The following TUBGCP3 variants were observed in gnomAD, a reference collection of about 807,000 sequenced individuals.
TUBGCP3 encodes the protein tubulin gamma complex component 3.
In TUBGCP3, 50 loss-of-function variants were observed where a neutral mutation model predicts 123.1. The observed-to-expected ratio is 0.41, with a 90% CI of 0.32 to 0.51. TUBGCP3 has a LOEUF of 0.51. TUBGCP3 is among the 20% of genes least tolerant of loss of function. TUBGCP3 has a pLI of 0.36. For synonymous variants in TUBGCP3, 405 were observed against 413.9 expected, an observed-to-expected ratio of 0.98 and a Z score of 0.26; for missense variants, 882 against 1,127.0, an observed-to-expected ratio of 0.78 and a Z score of 3.11.
At chr13:112,555,213 G>A (rs1320570075) in intron 6 of TUBGCP3, among the ~76,000 whole-genome samples, 4 of 152,304 alleles carry the variant, frequency 2.6e-5, no homozygotes, top group East Asian at 1.9e-4. Flanking sequence ...TGCCATGAAC[G>A]CACAGCTGTC....
At chr13:112,591,921 T>A (rs990147973), upstream of TUBGCP3, among the ~76,000 whole-genome samples, 1 of 152,178 alleles carries the variant, frequency 6.6e-6, no homozygotes, top group Non-Finnish European at 1.5e-5. Flanking sequence ...CCCCTTTACA[T>A]TGGGAACAAA....
intron 4 of TUBGCP3, among the ~76,000 whole-genome samples, chr13:112,558,691 T>G (rs1240418005): frequency 1.3e-5 from 2 of 152,224 alleles, no homozygotes; most frequent in Non-Finnish European, 2.9e-5. Context: ...TTTTTTAAAG[T>G]TAGGCATTAT....
chr13:112,527,335 A>G, intron 12 of TUBGCP3, 39 bp downstream of exon 12: 1 of 1,424,012 alleles, frequency 7.0e-7, no homozygotes, highest in Non-Finnish European at 9.5e-7. Flanking sequence ...ATACATAGCC[A>G]TAAAACATCA....
At chr13:112,556,889 G>C (rs765349984) in intron 5 of TUBGCP3, among the ~76,000 whole-genome samples, 1 of 152,164 alleles carries the variant, frequency 6.6e-6, no homozygotes, top group African/African-American at 2.4e-5. Flanking sequence ...GTTTTGACAG[G>C]TGCAACAAAA....
chr13:112,585,486 G>A (rs752688065), intron 1 of TUBGCP3, among the ~76,000 whole-genome samples: 14 of 152,182 alleles, frequency 9.2e-5, no homozygotes, highest in Non-Finnish European at 1.5e-4. Flanking sequence ...AGGGCCGGGC[G>A]CAGTGGCTCG....
chr13:112,559,278 G>A (rs1167443508), intron 4 of TUBGCP3, 44 bp downstream of exon 4: 1 of 1,535,974 alleles, frequency 6.5e-7, no homozygotes, highest in Admixed American at 1.9e-5. Context: ...AAGTCAGCCA[G>A]GGTGTCCCGA....
chr13:112,510,456 T>C (rs1300611455), intron 17 of TUBGCP3, among the ~76,000 whole-genome samples: 3 of 152,234 alleles, frequency 2.0e-5, no homozygotes, highest in Non-Finnish European at 4.4e-5. Flanking sequence ...CCATCTGATC[T>C]ATTTTTCTCA....
At chr13:112,526,861 T>C in intron 13 of TUBGCP3, 81 bp downstream of exon 13, 2 of 1,014,756 alleles carry the variant, frequency 2.0e-6, no homozygotes, top group East Asian at 2.4e-5. Context: ...AACATCACTG[T>C]TACCATGAGT....
chr13:112,574,601 T>C (rs941977401), intron 1 of TUBGCP3, among the ~76,000 whole-genome samples: 1 of 152,162 alleles, frequency 6.6e-6, no homozygotes, highest in Non-Finnish European at 1.5e-5. Flanking sequence ...ACAAACAGGA[T>C]TGACTTGAAA....
chr13:112,504,793 C>T, intron 17 of TUBGCP3, 79 bp from the exon 18 acceptor site: 1 of 1,174,530 alleles, frequency 8.5e-7, no homozygotes, highest in South Asian at 1.3e-5. Flanking sequence ...TACCCACCTG[C>T]AAGCTATCTT....
Position 112,537,448 on chromosome 13 carries a change from T to C in TUBGCP3, c.1335+8251A>G, listed in dbSNP as rs545044940. On this transcript the variant is annotated intron_variant, in intron 11 of 21. Transcript: ENST00000261965. ...GCCTTAGTAAGATGTCTTACATTGA[T>C]TGACTTTGATTATATTGAACTACCC... 5.9e-5 allele frequency among the ~76,000 whole-genome samples: 9 copies of C among 152,308 alleles called. No homozygotes were observed. The South Asian group carries it at 1.2e-3, about 21-fold the overall frequency.
At chr13:112,578,708 G>C (rs936278237) in intron 1 of TUBGCP3, among the ~76,000 whole-genome samples, 5 of 151,586 alleles carry the variant, frequency 3.3e-5, no homozygotes, top group Non-Finnish European at 5.9e-5. Context: ...TTCTTTGTTT[G>C]ATCACCAATA....
chr13:112,549,352 G>C lies in TUBGCP3; in HGVS notation c.967-1176C>G, dbSNP rs370423011. On this transcript the variant is annotated intron_variant, in intron 8 of 21. Coordinates refer to ENST00000261965, the MANE Select transcript of TUBGCP3 (RefSeq NM_006322.6). ...CCTGTTGTGGGGTGGGGGGAGCGGG[G>C]AGGGATGGCATTAGGAGATTTACCT... Among the ~76,000 whole-genome samples the C allele has an allele frequency of 1.1e-4, 16 of 151,632 alleles. No individual in the cohort carries two copies. In the South Asian group the frequency reaches 3.4e-3, roughly 32 times the overall value.
chr13:112,515,414 G>A (rs899717886), intron 17 of TUBGCP3, among the ~76,000 whole-genome samples: 1 of 152,188 alleles, frequency 6.6e-6, no homozygotes, highest in African/African-American at 2.4e-5. Flanking sequence ...AAGGAGAAGT[G>A]CAGGCAAGTA....
intron 17 of TUBGCP3, among the ~76,000 whole-genome samples, chr13:112,515,197 A>G (rs1395659251): frequency 6.6e-6 from 1 of 152,232 alleles, no homozygotes; most frequent in East Asian, 1.9e-4. Context: ...TAAACTGATA[A>G]TCAGATCAGA....
chr13:112,573,849 G>A (rs1165559484), intron 1 of TUBGCP3, among the ~76,000 whole-genome samples: 1 of 152,236 alleles, frequency 6.6e-6, no homozygotes, highest in Non-Finnish European at 1.5e-5. Context: ...CCGGGATGCA[G>A]AGGAGCAGCC....
chr13:112,520,285 T>C (rs1435751401), intron 14 of TUBGCP3, among the ~76,000 whole-genome samples: 2 of 152,162 alleles, frequency 1.3e-5, no homozygotes, highest in African/African-American at 2.4e-5. Flanking sequence ...TCCCAGCACT[T>C]TGGGAGGCCA....
rs374092895 is a variant in TUBGCP3 at position 112,556,037 on chromosome 13, T to C, written c.721+15A>G. ...TGTTCACAGAAAAGCTGTATTAACA[T>C]AGATCCTTACTCACCACCCGTATCC... On this transcript the variant is annotated intron_variant, in intron 6 of 21. Coordinates refer to ENST00000261965, the MANE Select transcript of TUBGCP3 (RefSeq NM_006322.6). The C allele has an allele frequency of 6.8e-6, 11 of 1,607,568 alleles. No homozygotes were observed. Among genetic ancestry groups the C allele is most frequent in the Non-Finnish European group, 8.5e-6 (10 of 1,174,806 alleles).
chr13:112,544,086 T>C (rs1256912057), intron 11 of TUBGCP3, among the ~76,000 whole-genome samples: 2 of 152,122 alleles, frequency 1.3e-5, no homozygotes, highest in African/African-American at 4.8e-5. Flanking sequence ...ATGAGGACCA[T>C]AACAGGAAGC....
Sources: allele counts gnomAD v4.1 joint callset (sites outside exome capture counted in the v4.1 genomes callset), GRCh38; gene constraint gnomAD v4.1.1; transcripts MANE v1.5; gene names NCBI Gene and HGNC (gene_info 2026-07-23, HGNC 2026-07-21).